Variants in BRAF observed in about 807,000 individuals in gnomAD.
BRAF encodes serine/threonine-protein kinase B-raf.
BRAF carries 16 observed loss-of-function variants against 104.6 expected under a neutral mutation model. That is an observed-to-expected ratio of 0.15 (90% CI 0.10 to 0.23). BRAF has a LOEUF of 0.23. Ranked by LOEUF, BRAF falls within the 10% of genes least tolerant of loss-of-function variation. The pLI is 1.00. For synonymous variants in BRAF, 310 were observed against 341.6 expected (o/e 0.91, Z 1.02); for missense variants, 541 against 937.3 (o/e 0.58, Z 5.52).
At chr7:140,789,942 C>G (rs987166715) in intron 8 of BRAF, among the ~76,000 whole-genome samples, 2 of 152,184 alleles carry the variant, frequency 1.3e-5, no homozygotes, top group Non-Finnish European at 2.9e-5. Flanking sequence ...GTTGGCCAGG[C>G]TGGTCTTGAA....
intron 5 of BRAF, 39 bp from the exon 6 acceptor site, chr7:140,801,599 A>C: frequency 6.3e-7 from 1 of 1,597,384 alleles, no homozygotes. Flanking sequence ...AAAAACTCAC[A>C]AGAAAACTTT....
chr7:140,856,159 G>C (rs1308335898), intron 1 of BRAF, among the ~76,000 whole-genome samples: 1 of 150,072 alleles, frequency 6.7e-6, no homozygotes, highest in Non-Finnish European at 1.5e-5. Flanking sequence ...CATTAATTAG[G>C]AATCCAGTAA....
intron 3 of BRAF, among the ~76,000 whole-genome samples, chr7:140,830,844 T>C (rs992130855): frequency 1.3e-5 from 2 of 152,214 alleles, no homozygotes; most frequent in East Asian, 1.9e-4. Flanking sequence ...TCCCTATGCA[T>C]TTCTTCCATC....
Position 140,721,238 on chromosome 7 carries a change from G to C in BRAF, c.*5256C>G. On this transcript the variant is annotated 3_prime_UTR_variant, in exon 20 of 20. Transcript: ENST00000644969. Reference sequence around the variant, plus strand: ...ATAAAACTTAACAGTTGAAGTTGTGGATGTTAAATAAAAGTACTTTAGTCA... The same window carrying C: ...ATAAAACTTAACAGTTGAAGTTGTGCATGTTAAATAAAAGTACTTTAGTCA... The C allele has an allele frequency of 9.1e-7, 1 of 1,099,958 alleles. No individual in the cohort carries two copies. Among genetic ancestry groups the C allele is most frequent in the Non-Finnish European group, 1.1e-6 (1 of 903,392 alleles). 68.1% of individuals were successfully genotyped at this position (1,099,958 alleles called of 1,614,324 possible).
chr7:140,773,008 C>G (rs184171841), intron 14 of BRAF, among the ~76,000 whole-genome samples: 1 of 152,168 alleles, frequency 6.6e-6, no homozygotes, highest in African/African-American at 2.4e-5. Flanking sequence ...CATTTTGTTG[C>G]TGCTGTTACA....
At chr7:140,919,524 A>G (rs964823371) in intron 1 of BRAF, among the ~76,000 whole-genome samples, 3 of 151,948 alleles carry the variant, frequency 2.0e-5, no homozygotes, top group Admixed American at 6.6e-5. Flanking sequence ...GGTAGGGGGG[A>G]AAAATAATTG....
At chr7:140,866,370 C>A (rs1171967862) in intron 1 of BRAF, among the ~76,000 whole-genome samples, 1 of 152,124 alleles carries the variant, frequency 6.6e-6, no homozygotes, top group Non-Finnish European at 1.5e-5. Flanking sequence ...TCCTATCATT[C>A]CAAAATTAAA....
chr7:140,715,521 T>C (rs1795112715), downstream of BRAF, among the ~76,000 whole-genome samples: 1 of 152,232 alleles, frequency 6.6e-6, no homozygotes, highest in Non-Finnish European at 1.5e-5. Context: ...GAACTCAGGA[T>C]AATCTCATTA....
chr7:140,720,153 T>C lies in BRAF; in HGVS notation c.*6341A>G. 3 of 1,061,898 alleles carry C rather than the reference T, an allele frequency of 2.8e-6. No homozygotes were observed. The highest frequency in any genetic ancestry group is 3.4e-6 in the Non-Finnish European group (3 of 877,168). 65.8% of individuals were successfully genotyped at this position (1,061,898 alleles called of 1,614,324 possible). A position where few individuals can be genotyped will look rare whatever the true frequency, so the allele number is the denominator to read the frequency against. On this transcript the variant is annotated 3_prime_UTR_variant, in exon 20 of 20. Transcript: ENST00000644969. ...TTCAATCCCCTGATCAGTTGTATGA[T>C]CCTATCTTAGGAAAGGCAGCAATTG...
intron 17 of BRAF, among the ~76,000 whole-genome samples, chr7:140,747,631 A>G (rs1211755890): frequency 1.3e-5 from 2 of 152,216 alleles, no homozygotes; most frequent in South Asian, 2.1e-4. Flanking sequence ...TATATGATAA[A>G]TCAACTGAAA....
intron 19 of BRAF, among the ~76,000 whole-genome samples, chr7:140,730,085 A>G (rs1795851437): frequency 6.6e-6 from 1 of 152,154 alleles, no homozygotes; most frequent in African/African-American, 2.4e-5. Context: ...TGGAGAATTT[A>G]AGGAAAACAT....
chr7:140,783,320 G>A, intron 10 of BRAF, 163 bp from the exon 10 acceptor site: 1 of 753,052 alleles, frequency 1.3e-6, no homozygotes, highest in South Asian at 2.0e-5. Context: ...CTCATTTGGT[G>A]ATTACAACTA....
At chr7:140,798,220 T>A (rs1802684609) in intron 7 of BRAF, among the ~76,000 whole-genome samples, 1 of 151,098 alleles carries the variant, frequency 6.6e-6, no homozygotes, top group Non-Finnish European at 1.5e-5. Flanking sequence ...TTTCTAATCT[T>A]AACATCTCAG....
In BRAF at chr7:140,834,738, A is replaced by C. The variant is rs201507202; in HGVS notation, c.375T>G (p.Ser125=). ...ASMDTVTSSS[S]SSLSVLPSSL... ...ATGAAGGTAGCACTGAAAGGCTAGA[A>C]GAGGAAGAAGATGTAACGGTATCCA... The change falls in exon 3 of 20, where the codon TCT becomes TCG. Residue 125 remains serine, a synonymous_variant. Transcript: ENST00000644969. 7.4e-5 allele frequency: 119 copies of C among 1,614,216 alleles called. No homozygotes were observed. The East Asian group carries it at 1.1e-3, about 15-fold the overall frequency.
chr7:140,913,199 A>C (rs960387200), intron 1 of BRAF, among the ~76,000 whole-genome samples: 1 of 151,984 alleles, frequency 6.6e-6, no homozygotes, highest in Non-Finnish European at 1.5e-5. Context: ...ACCTTTGAAC[A>C]TACTACATAA....
intron 3 of BRAF, among the ~76,000 whole-genome samples, chr7:140,826,420 T>C (rs1234924860): frequency 6.6e-6 from 1 of 152,240 alleles, no homozygotes; most frequent in Admixed American, 6.5e-5. Context: ...ACATCGAAAT[T>C]TTCTTAGATT....
At chr7:140,733,011 T>C (rs1254689007) in intron 19 of BRAF, 1 of 152,208 alleles carries the variant, frequency 6.6e-6, no homozygotes, top group Non-Finnish European at 1.5e-5. Context: ...TGTACTTCTT[T>C]ATTCCTTAGT....
At chr7:140,768,842 G>C (rs1382790556) in intron 14 of BRAF, among the ~76,000 whole-genome samples, 2 of 151,940 alleles carry the variant, frequency 1.3e-5, no homozygotes, top group Non-Finnish European at 2.9e-5. Flanking sequence ...GCTATAGAGT[G>C]AGGCTGTCCC....
Position 140,783,237 on chromosome 7 carries a change from A to G in BRAF, c.1298-80T>C, listed in dbSNP as rs10251357. On this transcript the variant is annotated intron_variant, in intron 10 of 19. Coordinates refer to ENST00000644969, the MANE Select transcript of BRAF (RefSeq NM_001374258.1). The stretch of plus-strand genomic sequence containing the variant: ...TATCAGGGGTAGAAGGTTGGGGGAT[A>G]TTTAGACTTAATTTTAAAATGTAGT... 5.5e-3 allele frequency: 8,413 copies of G among 1,535,690 alleles called. 383 individuals are homozygous for G. In the African/African-American group the frequency reaches 0.097, roughly 18 times the overall value.
Sources: allele counts gnomAD v4.1 joint callset (sites outside exome capture counted in the v4.1 genomes callset), GRCh38; gene constraint gnomAD v4.1.1; transcripts MANE v1.5; gene names NCBI Gene and HGNC (gene_info 2026-07-23, HGNC 2026-07-21).